The following TAS2R1 variants were observed in gnomAD, a reference collection of about 807,000 sequenced individuals.
TAS2R1 encodes the protein taste 2 receptor member 1.
For missense variants in TAS2R1, 370 were observed against 353.4 expected (o/e 1.05, Z -0.38); for synonymous variants, 141 against 134.2 (o/e 1.05, Z -0.35).
the TAS2R1 span, among the ~76,000 whole-genome samples, chr5:9,763,651 G>C: frequency 6.2e-4 from 94 of 152,324 alleles, no homozygotes; most frequent in African/African-American, 2.2e-3. Flanking sequence ...CTGAAAACCT[G>C]CTCTGCCGTG....
chr5:9,772,455 TGAG>T, the TAS2R1 span, among the ~76,000 whole-genome samples: 5 of 152,160 alleles, frequency 3.3e-5, no homozygotes, highest in Non-Finnish European at 5.9e-5. Context: ...ATCTTTGCGC[TGAG>T]GAGAAGGATG....
At chr5:9,779,451 G>A in the TAS2R1 span, among the ~76,000 whole-genome samples, 1 of 152,170 alleles carries the variant, frequency 6.6e-6, no homozygotes, top group Non-Finnish European at 1.5e-5. Context: ...TCTAGCTTTT[G>A]CTTTACAGTG....
the TAS2R1 span, among the ~76,000 whole-genome samples, chr5:9,840,857 ATT>A: frequency 9.0e-3 from 1,181 of 131,822 alleles, 20 homozygotes; most frequent in African/African-American, 0.024. Flanking sequence ...TTATTTATTT[ATT>A]TTTTTTTTTT....
chr5:9,839,808 T>C, the TAS2R1 span, among the ~76,000 whole-genome samples: 1 of 152,160 alleles, frequency 6.6e-6, no homozygotes, highest in Non-Finnish European at 1.5e-5. Flanking sequence ...TAATTACATA[T>C]TTAAAGTATA....
At chr5:9,675,278 C>A (rs1404588292) in intron 1 of TAS2R1, among the ~76,000 whole-genome samples, 1 of 151,314 alleles carries the variant, frequency 6.6e-6, no homozygotes, top group African/African-American at 2.4e-5. Flanking sequence ...CATCCTAATC[C>A]CAATCAAAAT....
the TAS2R1 span, among the ~76,000 whole-genome samples, chr5:9,783,421 A>G: frequency 1.3e-4 from 19 of 151,812 alleles, no homozygotes; most frequent in African/African-American, 3.9e-4. Flanking sequence ...CCATCCAGAG[A>G]CTCCTCCCTG....
chr5:9,804,420 A>G, the TAS2R1 span, among the ~76,000 whole-genome samples: 3 of 152,274 alleles, frequency 2.0e-5, no homozygotes, highest in East Asian at 5.8e-4. Flanking sequence ...AGAACATTCT[A>G]TCCAACAACT....
At chr5:9,724,739 T>C in the TAS2R1 span, among the ~76,000 whole-genome samples, 2 of 152,220 alleles carry the variant, frequency 1.3e-5, no homozygotes, top group South Asian at 2.1e-4. Flanking sequence ...AAGTCTTCTC[T>C]GGTGTGTGGC....
At chr5:9,642,444 C>T (rs1278896967) in intron 2 of TAS2R1, among the ~76,000 whole-genome samples, 1 of 152,152 alleles carries the variant, frequency 6.6e-6, no homozygotes, top group Non-Finnish European at 1.5e-5. Context: ...CAGAGCTCGG[C>T]CCTTGTAAAG....
the TAS2R1 span, among the ~76,000 whole-genome samples, chr5:9,838,189 C>T: frequency 6.6e-6 from 1 of 152,162 alleles, no homozygotes; most frequent in African/African-American, 2.4e-5. Context: ...TCTGACTTTC[C>T]AGGTCTGGGA....
chr5:9,788,180 C>G, the TAS2R1 span, among the ~76,000 whole-genome samples: 1 of 152,218 alleles, frequency 6.6e-6, no homozygotes. Context: ...AAGGATCACA[C>G]ATAGAAAGGT....
chr5:9,709,926 G>A (rs1741697502), intron 1 of TAS2R1, among the ~76,000 whole-genome samples: 1 of 152,248 alleles, frequency 6.6e-6, no homozygotes, highest in Non-Finnish European at 1.5e-5. Context: ...TTCACTTACT[G>A]TGAAACTGTC....
the TAS2R1 span, among the ~76,000 whole-genome samples, chr5:9,810,377 C>T: frequency 3.9e-5 from 6 of 152,188 alleles, no homozygotes; most frequent in African/African-American, 1.2e-4. Context: ...AATATAGAAA[C>T]TTCACCACGC....
intron 1 of TAS2R1, among the ~76,000 whole-genome samples, chr5:9,660,946 A>G (rs1740519826): frequency 6.6e-6 from 1 of 152,134 alleles, no homozygotes; most frequent in Non-Finnish European, 1.5e-5. Context: ...TCAGTCCTAC[A>G]CCCGTAGGAA....
chr5:9,885,760 T>C, the TAS2R1 span, among the ~76,000 whole-genome samples: 1 of 152,112 alleles, frequency 6.6e-6, no homozygotes, highest in African/African-American at 2.4e-5. Context: ...GTGGGGAGAA[T>C]ACATGGCAGC....
rs1739828012 is a variant in TAS2R1, at chr5:9,629,550, G to A, written c.483C>T (p.Ser161=). The change falls in exon 1 of 1, where the codon TCC becomes TCT. Residue 161 remains serine (S), a synonymous_variant. Coordinates refer to ENST00000382492, the MANE Select transcript of TAS2R1 (RefSeq NM_019599.3). ...MVPYFLRKFF[S]QNATIQKEDT... ...CTTCTTTTTGAATTGTGGCATTTTG[G>A]GAGAAAAATTTCCTTAGGAAGTATG... 1 of 1,613,910 alleles carries A rather than the reference G, an allele frequency of 6.2e-7. No homozygotes were observed. The highest frequency in any genetic ancestry group is 1.3e-5 in the African/African-American group (1 of 74,970).
chr5:9,701,221 G>GACAC (rs34248017), intron 1 of TAS2R1, among the ~76,000 whole-genome samples: 1,395 of 135,878 alleles, frequency 0.01, 15 homozygotes, highest in Admixed American at 0.018. Flanking sequence ...CAGACACGCA[G>GACAC]ACACACACAC....
At chr5:9,819,204 G>A in the TAS2R1 span, among the ~76,000 whole-genome samples, 4 of 152,238 alleles carry the variant, frequency 2.6e-5, no homozygotes, top group Non-Finnish European at 4.4e-5. Flanking sequence ...TCTAGGGATG[G>A]TAAATGGCGA....
the TAS2R1 span, among the ~76,000 whole-genome samples, chr5:9,855,940 C>A: frequency 3.3e-5 from 5 of 151,616 alleles, no homozygotes; most frequent in Non-Finnish European, 7.4e-5. Flanking sequence ...GGCAAATTTT[C>A]CTTCTTTTAC....
Sources: gnomAD v4.1 joint callset for allele counts (sites outside exome capture counted in the v4.1 genomes callset) on GRCh38, gnomAD v4.1.1 for gene constraint, MANE v1.5 for transcripts, NCBI Gene and HGNC (gene_info 2026-07-23, HGNC 2026-07-21) for gene names.